The following NRG3 variants were observed in gnomAD, a reference collection of about 807,000 sequenced individuals.
NRG3 encodes neuregulin 3.
NRG3 carries 31 observed loss-of-function variants against 66.9 expected under a neutral mutation model. That is an observed-to-expected ratio of 0.46 (90% confidence interval 0.35 to 0.63). NRG3 has a LOEUF of 0.63. Among genes scored for constraint, NRG3 ranks in the 20% least tolerant of loss-of-function variants. The pLI is 0.00. For synonymous variants in NRG3, 393 were observed against 359.4 expected (o/e 1.09, Z -1.06); for missense variants, 910 against 878.9 (o/e 1.04, Z -0.45).
intron 1 of NRG3, among the ~76,000 whole-genome samples, chr10:82,105,254 T>C (rs1309625267): frequency 6.6e-6 from 1 of 152,166 alleles, no homozygotes; most frequent in African/African-American, 2.4e-5. Context: ...AGTTTGAACA[T>C]AATCAAAGGT....
At chr10:82,649,474 T>TC (rs1419837072) in intron 2 of NRG3, among the ~76,000 whole-genome samples, 1 of 139,916 alleles carries the variant, frequency 7.1e-6, no homozygotes, top group Non-Finnish European at 1.5e-5. Context: ...TTTTTTTTTT[T>TC]TTTTTTTTTT....
At chr10:82,431,911 C>T (rs144307662) in intron 2 of NRG3, among the ~76,000 whole-genome samples, 14 of 152,250 alleles carry the variant, frequency 9.2e-5, no homozygotes, top group Non-Finnish European at 1.9e-4. Context: ...TATAAATTTA[C>T]TTACATATAT....
chr10:82,380,291 G>A (rs2085528501), intron 2 of NRG3, among the ~76,000 whole-genome samples: 1 of 151,830 alleles, frequency 6.6e-6, no homozygotes, highest in South Asian at 2.1e-4. Context: ...TAACGCTGTA[G>A]TAAAACTTTT....
intron 1 of NRG3, among the ~76,000 whole-genome samples, chr10:81,899,971 CT>C (rs539816695): frequency 0.029 from 4,191 of 144,246 alleles, 147 homozygotes; most frequent in African/African-American, 0.086. Context: ...GTTTTTCTTT[CT>C]TTTTTTTTTT....
intron 3 of NRG3, among the ~76,000 whole-genome samples, chr10:82,786,711 G>A (rs1291198781): frequency 6.6e-6 from 1 of 152,146 alleles, no homozygotes. Context: ...AAGCCAGGGG[G>A]CAGCATGCTA....
At chr10:82,597,877 C>T (rs891735368) in intron 2 of NRG3, among the ~76,000 whole-genome samples, 2 of 150,230 alleles carry the variant, frequency 1.3e-5, no homozygotes, top group Non-Finnish European at 2.9e-5. Flanking sequence ...GCCGAGATCG[C>T]GCCATTGCAC....
chr10:82,265,224 G>A (rs1323043364), intron 1 of NRG3, among the ~76,000 whole-genome samples: 3 of 152,176 alleles, frequency 2.0e-5, no homozygotes, highest in East Asian at 1.9e-4. Context: ...AGAGTCATTC[G>A]TTTTTATCTG....
At chr10:82,160,177 A>C (rs1261682744) in intron 1 of NRG3, among the ~76,000 whole-genome samples, 3 of 151,940 alleles carry the variant, frequency 2.0e-5, no homozygotes, top group Non-Finnish European at 4.4e-5. Context: ...TTACCTACCT[A>C]AACACAATAG....
At chr10:82,292,029 AAAAAC>A (rs1234635737) in intron 1 of NRG3, among the ~76,000 whole-genome samples, 1 of 152,194 alleles carries the variant, frequency 6.6e-6, no homozygotes, top group Admixed American at 6.5e-5. Flanking sequence ...AAAAGAATGA[AAAAAC>A]AAAGTAAAGA....
At chr10:82,773,422 T>G (rs1260719026) in intron 3 of NRG3, among the ~76,000 whole-genome samples, 1 of 152,180 alleles carries the variant, frequency 6.6e-6, no homozygotes, top group Non-Finnish European at 1.5e-5. Flanking sequence ...GTCCCTTTTT[T>G]CCTTGGGTCA....
intron 1 of NRG3, among the ~76,000 whole-genome samples, chr10:82,058,853 T>A (rs1489204375): frequency 6.6e-6 from 1 of 152,174 alleles, no homozygotes; most frequent in African/African-American, 2.4e-5. Flanking sequence ...TAGAAGATAC[T>A]CTGCTTGCCA....
intron 1 of NRG3, among the ~76,000 whole-genome samples, chr10:82,198,374 A>C (rs568770409): frequency 6.6e-6 from 1 of 152,244 alleles, no homozygotes; most frequent in Admixed American, 6.5e-5. Flanking sequence ...GGTTTAAAAC[A>C]AGAGAATCAC....
intron 2 of NRG3, among the ~76,000 whole-genome samples, chr10:82,503,047 T>C (rs1844347739): frequency 6.6e-6 from 1 of 151,240 alleles, no homozygotes; most frequent in South Asian, 2.1e-4. Context: ...GTGCTTCTTG[T>C]CTCAATGGAA....
At chr10:82,173,397 C>G (rs1205528994) in intron 1 of NRG3, among the ~76,000 whole-genome samples, 2 of 151,916 alleles carry the variant, frequency 1.3e-5, no homozygotes, top group Admixed American at 1.3e-4. Flanking sequence ...CGCACACATG[C>G]TGATGTAAAA....
chr10:82,601,965 C>T (rs1397365077), intron 2 of NRG3, among the ~76,000 whole-genome samples: 1 of 148,828 alleles, frequency 6.7e-6, no homozygotes, highest in African/African-American at 2.5e-5. Flanking sequence ...TGCCTATAGT[C>T]CTAACTATTC....
intron 2 of NRG3, among the ~76,000 whole-genome samples, chr10:82,581,684 A>G (rs912466601): frequency 3.9e-5 from 6 of 152,022 alleles, no homozygotes; most frequent in African/African-American, 1.4e-4. Context: ...TATTGTATTT[A>G]ATGCAATAGT....
chr10:82,758,142 A>C (rs757589796), intron 3 of NRG3, among the ~76,000 whole-genome samples: 3 of 152,076 alleles, frequency 2.0e-5, no homozygotes, highest in Non-Finnish European at 4.4e-5. Context: ...TACAAGCCTG[A>C]TTCTGCTTTT....
intron 1 of NRG3, among the ~76,000 whole-genome samples, chr10:81,916,702 G>A (rs1845746097): frequency 6.6e-6 from 1 of 152,070 alleles, no homozygotes; most frequent in African/African-American, 2.4e-5. Flanking sequence ...CTAGTAGAAG[G>A]GCAGGCATTG....
intron 1 of NRG3, among the ~76,000 whole-genome samples, chr10:82,280,054 C>G (rs971680011): frequency 6.6e-6 from 1 of 152,084 alleles, no homozygotes; most frequent in Non-Finnish European, 1.5e-5. Context: ...GCAGGGGGAT[C>G]AGTTCTGATT....
Sources: allele counts gnomAD v4.1 joint callset (sites outside exome capture counted in the v4.1 genomes callset), GRCh38; gene constraint gnomAD v4.1.1; transcripts MANE v1.5; gene names NCBI Gene and HGNC (gene_info 2026-07-23, HGNC 2026-07-21).